Variants in CXorf38 observed in about 807,000 individuals in gnomAD.
CXorf38 encodes uncharacterized protein CXorf38.
In CXorf38, 13 loss-of-function variants were observed where a neutral mutation model predicts 27.5. The observed-to-expected ratio is 0.47, with a 90% CI of 0.31 to 0.75. CXorf38 has a LOEUF of 0.75. CXorf38 is among the 30% of genes least tolerant of loss of function. The pLI, the probability that CXorf38 is intolerant of heterozygous loss-of-function variation, is 0.05. For missense variants in CXorf38, 240 were observed against 253.2 expected (o/e 0.95, Z 0.35); for synonymous variants, 100 against 99.8 (o/e 1.00, Z -0.01).
chrX:40,632,619 G>A (rs934469724), intron 5 of CXorf38, among the ~76,000 whole-genome samples: 10 of 111,323 alleles, frequency 9.0e-5, no homozygotes, highest in Non-Finnish European at 1.9e-4. Flanking sequence ...TAAGAACAGG[G>A]AAGGTTTTGC....
At position 40,631,252 on chromosome X, in the gene CXorf38, T is replaced by TAC. The variant is rs1298183364; in HGVS notation, c.802-480_802-479insGT. Among the ~76,000 whole-genome samples, 334 of 37,638 alleles carry TAC rather than the reference T, an allele frequency of 8.9e-3. 2 individuals carry two copies. The highest frequency in any genetic ancestry group is 0.011 in the African/African-American group (144 of 12,708). 32.7% of individuals were successfully genotyped at this position (37,638 alleles called of 115,157 possible). On this transcript the variant is annotated intron_variant, in intron 5 of 6. Coordinates refer to ENST00000327877, the MANE Select transcript of CXorf38 (RefSeq NM_144970.3). The stretch of plus-strand genomic sequence containing the variant: ...ATATATATGTGTGTATGTATATATA[T>TAC]ATACACACACACACACACACACACA...
At position 40,631,807 on chromosome X, in the gene CXorf38, G is replaced by A; in HGVS notation, c.802-1034C>T. On this transcript the variant is annotated intron_variant, in intron 5 of 6. Transcript: ENST00000327877. ...GTTATCGTGAAGTAAGCAAATGAAA[G>A]AGCCAGATGCCAGATCATGGCTGCT... Among the ~76,000 whole-genome samples, 2 of 111,898 alleles carry A rather than the reference G, an allele frequency of 1.8e-5. 1 individual carries two copies. The highest frequency in any genetic ancestry group is 9.2e-3 in the Middle Eastern group (2 of 217).
chrX:40,636,142 G>T (rs1315830760), intron 5 of CXorf38, among the ~76,000 whole-genome samples: 1 of 112,489 alleles, frequency 8.9e-6, no homozygotes, highest in Admixed American at 9.4e-5. Context: ...CTGCCAAGAA[G>T]AATCTTTTTC....
chrX:40,645,062 T>C (rs1435006981), intron 2 of CXorf38, among the ~76,000 whole-genome samples: 3 of 111,736 alleles, frequency 2.7e-5, no homozygotes, highest in Non-Finnish European at 5.6e-5. Flanking sequence ...CCATGGAATC[T>C]GGGCTAGCTG....
At chrX:40,644,697 T>C (rs1349729576) in intron 2 of CXorf38, among the ~76,000 whole-genome samples, 1 of 111,630 alleles carries the variant, frequency 9.0e-6, no homozygotes, top group African/African-American at 3.3e-5. Flanking sequence ...ATCTGTGGAT[T>C]TTGGTATCCT....
At chrX:40,636,439 CAATT>C in intron 5 of CXorf38, 90 bp downstream of exon 5, 1 of 550,046 alleles carries the variant, frequency 1.8e-6, no homozygotes, top group Admixed American at 3.4e-5. Flanking sequence ...ATCAAAAACA[CAATT>C]AATTATTTGT....
At chrX:40,642,385 G>A (rs1374076383) in intron 2 of CXorf38, among the ~76,000 whole-genome samples, 1 of 111,813 alleles carries the variant, frequency 8.9e-6, no homozygotes, top group African/African-American at 3.3e-5. Context: ...CAATTTGGGA[G>A]CCAGTTAGCA....
rs760381038 is a variant in CXorf38 at position 40,647,251 on chromosome X, G to A, written c.216+54C>T. 51 of 806,064 alleles carry A rather than the reference G, an allele frequency of 6.3e-5. No homozygotes were observed. In the South Asian group the frequency reaches 1.2e-3, roughly 19 times the overall value. The allele number at this position is 806,064 out of a possible 1,213,427, so 66.4% of individuals were successfully genotyped here. On this transcript the variant is annotated intron_variant, in intron 1 of 6. Coordinates refer to ENST00000327877, the MANE Select transcript of CXorf38 (RefSeq NM_144970.3). ...GCTCTGGGTCTGGGACAGGAACGGG[G>A]ATGAGGAGGGGTGGGGTGGGGGCGG...
intron 2 of CXorf38, among the ~76,000 whole-genome samples, chrX:40,643,927 T>C (rs753125830): frequency 1.8e-5 from 2 of 112,977 alleles, no homozygotes; most frequent in Admixed American, 1.9e-4. Flanking sequence ...TTTATCCACA[T>C]TGTAACTTGT....
Position 40,627,454 on chromosome X carries a change from G to A in CXorf38, c.*2710C>T, listed in dbSNP as rs1408147289. The A allele has an allele frequency of 4.4e-5, 5 of 112,644 alleles. No homozygotes were observed. The highest frequency in any genetic ancestry group is 9.4e-5 in the Non-Finnish European group (5 of 53,352). The allele number at this position is 112,644 out of a possible 1,213,427, so 9.3% of individuals were successfully genotyped here. A position where few individuals can be genotyped will look rare whatever the true frequency, so the allele number is the denominator to read the frequency against. On this transcript the variant is annotated 3_prime_UTR_variant, in exon 7 of 7. Coordinates refer to ENST00000327877, the MANE Select transcript of CXorf38 (RefSeq NM_144970.3). Reference sequence around the variant, plus strand: ...GATCCGCCCTACTCAGCCTCCCAAAGTGCTGGGATTACAGGCGCGAGTCAC... The same window carrying A: ...GATCCGCCCTACTCAGCCTCCCAAAATGCTGGGATTACAGGCGCGAGTCAC...
chrX:40,643,640 C>T (rs906993182), intron 2 of CXorf38, among the ~76,000 whole-genome samples: 6 of 111,263 alleles, frequency 5.4e-5, no homozygotes, highest in Non-Finnish European at 7.5e-5. Context: ...TCGCGAGTAG[C>T]TGGGATTACA....
rs945134098 is a variant in CXorf38 at position 40,639,026 on chromosome X, G to C, written c.454C>G (p.Arg152Gly). Residue 152 changes from arginine (R) to glycine (G), a missense_variant, in exon 3 of 7, where the codon CGA becomes GGA. Coordinates refer to ENST00000327877, the MANE Select transcript of CXorf38 (RefSeq NM_144970.3). Reference protein sequence around the residue: ...INSCDHFVVDRKKVTEVIKCR... With the variant: ...INSCDHFVVDGKKVTEVIKCR... ...GCTCTTACCTCTGTGACTTTCTTTC[G>C]ATCAACCACGAAGTGATCGCAGGAG... 5.0e-6 allele frequency: 6 copies of C among 1,210,159 alleles called. No individual in the cohort carries two copies. In the Admixed American group the frequency reaches 1.3e-4, roughly 26 times the overall value.
chrX:40,638,758 G>A (rs1240066094), intron 3 of CXorf38, among the ~76,000 whole-genome samples: 1 of 112,281 alleles, frequency 8.9e-6, no homozygotes, highest in East Asian at 2.8e-4. Context: ...TAATTCAGGA[G>A]AACTACTCTT....
At chrX:40,643,948 A>C (rs1928461359) in intron 2 of CXorf38, among the ~76,000 whole-genome samples, 1 of 112,849 alleles carries the variant, frequency 8.9e-6, no homozygotes, top group African/African-American at 3.2e-5. Context: ...ATTAGTACTT[A>C]ATTCCTTTGT....
rs767557678 is a variant in CXorf38 at position 40,647,558 on chromosome X, G to A, written c.-38C>T. 4.0e-5 allele frequency: 47 copies of A among 1,166,789 alleles called. No individual in the cohort carries two copies. Among genetic ancestry groups the A allele is most frequent in the Non-Finnish European group, 5.2e-5 (46 of 880,813 alleles). On this transcript the variant is annotated 5_prime_UTR_variant, in exon 1 of 7. Transcript: ENST00000327877. ...GAACCAGGAGGTTGCGGGGCGTGGC[G>A]GACGGCAGTGCGCAGGCGCGGAGCC...
At position 40,646,915 on chromosome X, in the gene CXorf38, T is replaced by C. The variant is rs1057303459; in HGVS notation, c.351+92A>G. ...ATCAATCTCTCTCTCTGCATCTGTT[T>C]ATGAGGCCCCGGCGACCACAAGACC... On this transcript the variant is annotated intron_variant, in intron 2 of 6. Coordinates refer to ENST00000327877, the MANE Select transcript of CXorf38 (RefSeq NM_144970.3). 248 of 1,028,316 alleles carry C rather than the reference T, an allele frequency of 2.4e-4. 1 individual carries two copies. The highest frequency in any genetic ancestry group is 3.1e-4 in the Middle Eastern group (1 of 3,235). 84.7% of individuals were successfully genotyped at this position (1,028,316 alleles called of 1,213,427 possible). A position where few individuals can be genotyped will look rare whatever the true frequency, so the allele number is the denominator to read the frequency against.
In CXorf38 at chrX:40,627,878, G is replaced by C. The variant is rs1006876986; in HGVS notation, c.*2286C>G. ...TATCTACTTCAGTGGCTGGCACATG[G>C]TGGACCCTTGATAAAAGCTTCTTGG... On this transcript the variant is annotated 3_prime_UTR_variant, in exon 7 of 7. Coordinates refer to ENST00000327877, the MANE Select transcript of CXorf38 (RefSeq NM_144970.3). 8.9e-6 allele frequency: 1 copy of C among 112,215 alleles called. No homozygotes were observed. The highest frequency in any genetic ancestry group is 3.2e-5 in the African/African-American group (1 of 30,795). 9.2% of individuals were successfully genotyped at this position (112,215 alleles called of 1,213,427 possible).
intron 3 of CXorf38, among the ~76,000 whole-genome samples, chrX:40,637,831 T>C (rs2146576950): frequency 1.8e-5 from 2 of 111,902 alleles, no homozygotes; most frequent in African/African-American, 6.5e-5. Flanking sequence ...AATCCAGAAA[T>C]TCCTAACATA....
Position 40,630,752 on chromosome X carries a change from C to T in CXorf38, c.823G>A (p.Val275Met). 8.3e-7 allele frequency: 1 copy of T among 1,210,276 alleles called. No homozygotes were observed. The highest frequency in any genetic ancestry group is 1.1e-6 in the Non-Finnish European group (1 of 894,608). ...PEELSNRLEV[V>M]KEFLRNNEDL... is the part of the protein sequence containing the mutation. ...TCATTGTTTCTCAGAAATTCCTTCA[C>T]CACTTCCAGTCGATTTGAGAGCTGC... The change falls in exon 6 of 7, where the codon GTG becomes ATG. Residue 275 changes from valine to methionine, a missense_variant. Transcript: ENST00000327877.
Sources: allele counts gnomAD v4.1 joint callset (sites outside exome capture counted in the v4.1 genomes callset), GRCh38; gene constraint gnomAD v4.1.1; transcripts MANE v1.5; gene names NCBI Gene and HGNC (gene_info 2026-07-23, HGNC 2026-07-21).